Variants in UBR2 observed in about 807,000 individuals in gnomAD.
UBR2 encodes the protein ubiquitin protein ligase E3 component n-recognin 2, also known as E3 ubiquitin-protein ligase UBR2.
In UBR2, 92 loss-of-function variants were observed where a neutral mutation model predicts 247.9. The observed-to-expected ratio is 0.37, with a 90% confidence interval of 0.31 to 0.44. UBR2 has a LOEUF of 0.44. Among genes scored for constraint, UBR2 ranks in the 20% least tolerant of loss-of-function variants. The pLI is 1.00. For synonymous variants in UBR2, 672 were observed against 693.5 expected, an observed-to-expected ratio of 0.97 and a Z score of 0.49; for missense variants, 1,613 against 2,112.6, an observed-to-expected ratio of 0.76 and a Z score of 4.64.
intron 22 of UBR2, 110 bp downstream of exon 22, chr6:42,648,280 A>T: frequency 1.2e-6 from 1 of 849,096 alleles, no homozygotes; most frequent in South Asian, 1.5e-5. Context: ...GCTTTCAGAG[A>T]TTGACAGACA....
chr6:42,597,550 T>C (rs554813117), intron 4 of UBR2, among the ~76,000 whole-genome samples: 2 of 151,716 alleles, frequency 1.3e-5, no homozygotes, highest in African/African-American at 4.8e-5. Flanking sequence ...TGAGCCATGA[T>C]TGTACCACTG....
intron 34 of UBR2, among the ~76,000 whole-genome samples, chr6:42,667,154 G>C (rs1386655749): frequency 6.6e-6 from 1 of 152,086 alleles, no homozygotes; most frequent in East Asian, 1.9e-4. Flanking sequence ...TAGCCAACAT[G>C]ATGAAACCCT....
intron 40 of UBR2, among the ~76,000 whole-genome samples, chr6:42,678,104 A>G (rs995197332): frequency 6.6e-6 from 1 of 152,226 alleles, no homozygotes; most frequent in Non-Finnish European, 1.5e-5. Context: ...TGGGAGGCCA[A>G]GGCGGGCAGA....
chr6:42,615,843 G>T (rs970890489), intron 9 of UBR2, among the ~76,000 whole-genome samples, 159 bp from the exon 10 acceptor site: 1 of 151,832 alleles, frequency 6.6e-6, no homozygotes, highest in Non-Finnish European at 1.5e-5. Flanking sequence ...AGGATCGCGT[G>T]AGCCCAGGAG....
Position 42,692,071 on chromosome 6 carries a change from T to G in UBR2, c.*898T>G, listed in dbSNP as rs1799779354. The G allele has an allele frequency of 6.6e-6, 1 of 152,140 alleles. No homozygotes were observed. The highest frequency in any genetic ancestry group is 1.5e-5 in the Non-Finnish European group (1 of 68,024). The allele number at this position is 152,140 out of a possible 1,614,324, so 9.4% of individuals were successfully genotyped here. A position where few individuals can be genotyped will look rare whatever the true frequency, so the allele number is the denominator to read the frequency against. The stretch of plus-strand genomic sequence containing the variant: ...CTGTCACATCCAGTTTCTTGAGCTT[T>G]TAAGGTAAGCTTCTTTTGGCTTTTT... On this transcript the variant is annotated 3_prime_UTR_variant, in exon 47 of 47. Transcript: ENST00000372901.
In UBR2 at chr6:42,600,807, A is replaced by G. The variant is rs550846040; in HGVS notation, c.532-2781A>G. 3.3e-5 allele frequency among the ~76,000 whole-genome samples: 5 copies of G among 152,032 alleles called. No homozygotes were observed. In the East Asian group the frequency reaches 9.7e-4, roughly 29 times the overall value. ...CACCTCAGCTTCCCAAGCATGCACCACTACTCTCTGCTAATTTTTAAATTT... is the reference window on the plus strand; with the variant it reads ...CACCTCAGCTTCCCAAGCATGCACCGCTACTCTCTGCTAATTTTTAAATTT... On this transcript the variant is annotated intron_variant, in intron 4 of 46. Transcript: ENST00000372901.
chr6:42,612,271 G>A lies in UBR2; in HGVS notation c.965G>A (p.Gly322Glu). The stretch of plus-strand genomic sequence containing the variant: ...GGTTTGAAACTTTTGTCTTGGCTGG[G>A]AAGTATTATTGGATATTCAGGTAGG... Reference protein sequence around the residue: ...NFGLKLLSWLGSIIGYSDGLR... With the variant: ...NFGLKLLSWLESIIGYSDGLR... The change falls in exon 8 of 47, where the codon GGA becomes GAA. Residue 322 changes from glycine to glutamate, a missense_variant. Physicochemically the swap from Gly to Glu is moderately conservative, Grantham distance 98 (BLOSUM62 -2). Coordinates refer to ENST00000372901, the MANE Select transcript of UBR2 (RefSeq NM_001363705.2). 1 of 1,527,738 alleles carries A rather than the reference G, an allele frequency of 6.5e-7. No individual in the cohort carries two copies. The highest frequency in any genetic ancestry group is 8.9e-7 in the Non-Finnish European group (1 of 1,120,184). The allele number at this position is 1,527,738 out of a possible 1,614,324, so 94.6% of individuals were successfully genotyped here.
chr6:42,687,303 C>T (rs990164335), intron 44 of UBR2, among the ~76,000 whole-genome samples: 12 of 152,170 alleles, frequency 7.9e-5, no homozygotes, highest in African/African-American at 2.7e-4. Context: ...GCCAACACGG[C>T]GAAACCCCGT....
chr6:42,680,471 G>A (rs1046062936), intron 42 of UBR2, among the ~76,000 whole-genome samples: 6 of 152,028 alleles, frequency 3.9e-5, no homozygotes, highest in Non-Finnish European at 8.8e-5. Flanking sequence ...AAGAGATGGG[G>A]TTTTGCCATT....
At chr6:42,648,221 T>A in intron 22 of UBR2, 51 bp downstream of exon 22, 2 of 1,472,240 alleles carry the variant, frequency 1.4e-6, no homozygotes, top group Non-Finnish European at 1.9e-6. Context: ...TCCAGTACAT[T>A]CATTTTTCTT....
intron 11 of UBR2, among the ~76,000 whole-genome samples, chr6:42,629,783 G>C (rs2151949005): frequency 6.6e-6 from 1 of 152,280 alleles, no homozygotes; most frequent in East Asian, 1.9e-4. Flanking sequence ...CAATTTCTTA[G>C]CATAAGGTGA....
chr6:42,662,962 A>C (rs1029699810), intron 31 of UBR2, among the ~76,000 whole-genome samples: 2 of 152,136 alleles, frequency 1.3e-5, no homozygotes, highest in African/African-American at 4.8e-5. Flanking sequence ...CAAAAAAAAA[A>C]CAAATAGCCA....
At chr6:42,575,113 A>G (rs922031816) in intron 2 of UBR2, among the ~76,000 whole-genome samples, 3 of 152,232 alleles carry the variant, frequency 2.0e-5, no homozygotes, top group Non-Finnish European at 4.4e-5. Context: ...TCTTTTCTGT[A>G]TTTAACCATA....
chr6:42,599,582 T>C (rs1793222875), intron 4 of UBR2, among the ~76,000 whole-genome samples: 1 of 152,042 alleles, frequency 6.6e-6, no homozygotes, highest in South Asian at 2.1e-4. Flanking sequence ...TTTAGCAGAA[T>C]TATTGCATGG....
intron 26 of UBR2, among the ~76,000 whole-genome samples, chr6:42,655,965 G>A (rs1797418185): frequency 6.6e-6 from 1 of 151,970 alleles, no homozygotes; most frequent in African/African-American, 2.4e-5. Flanking sequence ...AGATTCTACA[G>A]TATTGAAAAT....
chr6:42,592,035 A>G, intron 2 of UBR2, 116 bp from the exon 3 acceptor site: 2 of 999,896 alleles, frequency 2.0e-6, no homozygotes, highest in Non-Finnish European at 2.9e-6. Flanking sequence ...CTTTTTTAAA[A>G]CACCAAAAAA....
intron 13 of UBR2, among the ~76,000 whole-genome samples, chr6:42,633,455 A>G (rs1309237437): frequency 1.3e-5 from 2 of 151,942 alleles, no homozygotes; most frequent in Non-Finnish European, 2.9e-5. Flanking sequence ...CAGTGGCGCA[A>G]TCTCAGCTCA....
At position 42,689,684 on chromosome 6, in the gene UBR2, C is replaced by T; in HGVS notation, c.5126+14C>T. 1.9e-6 allele frequency: 3 copies of T among 1,611,072 alleles called. No individual in the cohort carries two copies. The South Asian group carries it at 3.3e-5, about 18-fold the overall frequency. Reference sequence around the variant, plus strand: ...CCAGGGACTCAGGTAAGAACCCATCCTGAGTTAGCTAACTCAGGGCCTGCA... The same window carrying T: ...CCAGGGACTCAGGTAAGAACCCATCTTGAGTTAGCTAACTCAGGGCCTGCA... On this transcript the variant is annotated intron_variant, in intron 46 of 46. Coordinates refer to ENST00000372901, the MANE Select transcript of UBR2 (RefSeq NM_001363705.2). The surrounding 1 kb of genome is among the most constrained non-coding windows in gnomAD (Gnocchi z 4.0).
chr6:42,661,019 C>T (rs1297741600), intron 30 of UBR2, among the ~76,000 whole-genome samples: 1 of 142,048 alleles, frequency 7.0e-6, no homozygotes, highest in East Asian at 2.1e-4. Flanking sequence ...AAAGGCCAGG[C>T]GCAGTGGCTC....
Sources: allele counts gnomAD v4.1 joint callset (sites outside exome capture counted in the v4.1 genomes callset), GRCh38; gene constraint gnomAD v4.1.1; non-coding constraint Gnocchi (gnomAD v3.1); transcripts MANE v1.5; gene names NCBI Gene and HGNC (gene_info 2026-07-23, HGNC 2026-07-21).